The following GRIK3 variants were observed in gnomAD, a reference collection of about 807,000 sequenced individuals.
GRIK3 encodes the protein glutamate ionotropic receptor kainate type subunit 3.
GRIK3 carries 29 observed loss-of-function variants against 102.5 expected under a neutral mutation model. The ratio of observed to expected loss-of-function variants is 0.28; its 90% CI spans 0.21 to 0.39. The LOEUF is 0.39. Among genes scored for constraint, GRIK3 ranks in the 10% least tolerant of loss-of-function variants. GRIK3 has a pLI of 1.00. For synonymous variants in GRIK3, 511 were observed against 504.9 expected, an observed-to-expected ratio of 1.01 and a Z score of -0.16; for missense variants, 908 against 1,252.4, an observed-to-expected ratio of 0.73 and a Z score of 4.15.
chr1:37,013,632 G>A (rs747081921), intron 1 of GRIK3, among the ~76,000 whole-genome samples: 10 of 152,206 alleles, frequency 6.6e-5, no homozygotes, highest in Non-Finnish European at 1.2e-4. Context: ...CTTCTTAGCC[G>A]TGCAATGCTG....
intron 1 of GRIK3, among the ~76,000 whole-genome samples, chr1:36,974,963 C>T (rs76591018): frequency 1.3e-5 from 2 of 152,108 alleles, no homozygotes; most frequent in African/African-American, 4.8e-5. Context: ...ATAGAGACAG[C>T]AAGTAGGACA....
chr1:36,970,080 G>A (rs1380201506), intron 1 of GRIK3, among the ~76,000 whole-genome samples: 3 of 152,202 alleles, frequency 2.0e-5, no homozygotes, highest in South Asian at 4.1e-4. Flanking sequence ...CATTCATCAC[G>A]TCAGCTGCTT....
intron 1 of GRIK3, among the ~76,000 whole-genome samples, chr1:36,941,968 A>T (rs535105690): frequency 2.0e-5 from 3 of 152,302 alleles, no homozygotes; most frequent in Non-Finnish European, 4.4e-5. Flanking sequence ...AATAGAGGCT[A>T]ACTGCAGGCC....
rs556110794 is a variant in GRIK3 at position 36,982,975 on chromosome 1, C to T, written c.115+51019G>A. Among the ~76,000 whole-genome samples the T allele has an allele frequency of 1.2e-4, 18 of 152,306 alleles. No homozygotes were observed. In the East Asian group the frequency reaches 2.5e-3, roughly 21 times the overall value. ...AATTAAAACCCGGCTGTCTCAAGAG[C>T]GAGCCCTGGCCGAGCCCAGCCCACC... is the stretch of plus-strand genomic sequence containing the variant. On this transcript the variant is annotated intron_variant, in intron 1 of 15. Coordinates refer to ENST00000373091, the MANE Select transcript of GRIK3 (RefSeq NM_000831.4).
At chr1:36,929,751 C>T (rs1454384003) in intron 1 of GRIK3, among the ~76,000 whole-genome samples, 2 of 152,180 alleles carry the variant, frequency 1.3e-5, no homozygotes, top group African/African-American at 4.8e-5. Flanking sequence ...TGTTCCAAAA[C>T]TTGGTGACCT....
At chr1:36,886,014 G>A (rs1367199028) in intron 2 of GRIK3, among the ~76,000 whole-genome samples, 3 of 152,142 alleles carry the variant, frequency 2.0e-5, no homozygotes, top group African/African-American at 7.2e-5. Context: ...GAAGGCGGAG[G>A]AGCCTGGGGA....
chr1:37,013,027 A>G (rs980409639), intron 1 of GRIK3, among the ~76,000 whole-genome samples: 1 of 152,236 alleles, frequency 6.6e-6, no homozygotes, highest in Non-Finnish European at 1.5e-5. Context: ...TAATTTATAA[A>G]GAAAAAGGTT....
At chr1:36,804,600 C>T (rs2124175854) in intron 15 of GRIK3, 2 of 381,886 alleles carry the variant, frequency 5.2e-6, no homozygotes, top group Admixed American at 4.2e-5. Context: ...AAACCCTATG[C>T]AACCATCACC....
At position 36,859,208 on chromosome 1, in the gene GRIK3, A is replaced by G; in HGVS notation, c.1004T>C (p.Val335Ala). 6.2e-7 allele frequency: 1 copy of G among 1,613,810 alleles called. No homozygotes were observed. The highest frequency in any genetic ancestry group is 2.2e-5 in the East Asian group (1 of 44,870). Residue 335 changes from valine to alanine, a missense_variant, in exon 7 of 16, where the codon GTG (valine) becomes GCG (alanine). Physicochemically the swap from Val to Ala is moderately conservative, Grantham distance 64. This residue lies in a region of GRIK3 where 585 missense variants were observed against 824.9 expected (regional missense o/e 0.71). Coordinates refer to ENST00000373091, the MANE Select transcript of GRIK3 (RefSeq NM_000831.4). Reference sequence around the variant, plus strand: ...CATCTGTGGTGCCCGCTGGTAGCACACGGACACGATATGGACGGCGTCGTA... The same window carrying G: ...CATCTGTGGTGCCCGCTGGTAGCACGCGGACACGATATGGACGGCGTCGTA... ...LLYDAVHIVS[V>A]CYQRAPQMTV...
At chr1:36,978,639 C>T (rs1237044881) in intron 1 of GRIK3, among the ~76,000 whole-genome samples, 1 of 152,182 alleles carries the variant, frequency 6.6e-6, no homozygotes. Context: ...TCTAGGATGG[C>T]CTCGTTTCAT....
intron 1 of GRIK3, among the ~76,000 whole-genome samples, chr1:37,003,227 G>A (rs1008741649): frequency 6.6e-6 from 1 of 151,882 alleles, no homozygotes; most frequent in Non-Finnish European, 1.5e-5. Context: ...ATTTTTCCTA[G>A]TATTAAATTA....
At chr1:36,860,445 G>A (rs1228034594) in intron 5 of GRIK3, among the ~76,000 whole-genome samples, 5 of 152,236 alleles carry the variant, frequency 3.3e-5, no homozygotes, top group African/African-American at 1.2e-4. Context: ...TTATCCCCTA[G>A]AAGAGGATAT....
Position 36,819,750 on chromosome 1 carries a change from G to A in GRIK3, c.1859C>T (p.Ser620Phe). ...LLNSFWFGMG[S>F]LMQQGSELMP... The stretch of plus-strand genomic sequence containing the variant: ...AGGGTGCATACCTTGCTGCATCAGG[G>A]ATCCCATTCCAAACCAGAAGCTGTT... The change falls in exon 12 of 16, where the codon TCC becomes TTC. Residue 620 changes from serine to phenylalanine, a missense_variant. Around this residue, in one of 3 missense-constraint regions of GRIK3, gnomAD observed 26 missense variants for 64.8 expected, o/e 0.40. Coordinates refer to ENST00000373091, the MANE Select transcript of GRIK3 (RefSeq NM_000831.4). The surrounding 1 kb of genome is among the most constrained non-coding windows in gnomAD (Gnocchi z 4.1). 6.4e-7 allele frequency: 1 copy of A among 1,564,906 alleles called. No homozygotes were observed. The highest frequency in any genetic ancestry group is 8.8e-7 in the Non-Finnish European group (1 of 1,135,412).
chr1:36,904,070 G>A (rs927026643), intron 1 of GRIK3, among the ~76,000 whole-genome samples: 2 of 152,208 alleles, frequency 1.3e-5, no homozygotes, highest in Non-Finnish European at 1.5e-5. Flanking sequence ...TGTGTGGGCA[G>A]GGGGTATATG....
At chr1:37,032,421 C>G (rs1360007459) in intron 1 of GRIK3, among the ~76,000 whole-genome samples, 2 of 151,958 alleles carry the variant, frequency 1.3e-5, no homozygotes, top group Non-Finnish European at 2.9e-5. Flanking sequence ...GGACACCCTA[C>G]GACGCAGGCC....
At chr1:36,980,316 C>A (rs374362175) in intron 1 of GRIK3, among the ~76,000 whole-genome samples, 96 of 152,226 alleles carry the variant, frequency 6.3e-4, no homozygotes, top group African/African-American at 2.3e-3. Flanking sequence ...TCCAGCCCCA[C>A]TTCCCGTGCT....
At chr1:36,919,664 C>G (rs1205780987) in intron 1 of GRIK3, among the ~76,000 whole-genome samples, 1 of 152,204 alleles carries the variant, frequency 6.6e-6, no homozygotes, top group East Asian at 1.9e-4. Context: ...AATGCTGCCT[C>G]AAGGAACTGC....
chr1:36,973,406 C>T (rs1642163907), intron 1 of GRIK3, among the ~76,000 whole-genome samples: 2 of 148,598 alleles, frequency 1.3e-5, no homozygotes, highest in Non-Finnish European at 3.0e-5. Flanking sequence ...TTAGACATCA[C>T]TTCTTTTTCC....
intron 1 of GRIK3, among the ~76,000 whole-genome samples, chr1:37,015,135 G>T (rs370424545): frequency 6.6e-6 from 1 of 152,228 alleles, no homozygotes; most frequent in East Asian, 1.9e-4. Flanking sequence ...GATTCTATCT[G>T]GTTGGTGCAA....
Sources: allele counts gnomAD v4.1 joint callset (sites outside exome capture counted in the v4.1 genomes callset), GRCh38; gene constraint gnomAD v4.1.1; regional missense constraint gnomAD v4.1.1; non-coding constraint Gnocchi (gnomAD v3.1); transcripts MANE v1.5; gene names NCBI Gene and HGNC (gene_info 2026-07-23, HGNC 2026-07-21).